The following PRSS55 variants were observed in gnomAD, a reference collection of about 807,000 sequenced individuals.
PRSS55 encodes serine protease 55.
In PRSS55, 41 loss-of-function variants were observed where a neutral mutation model predicts 23.6. That is an observed-to-expected ratio of 1.74 (90% confidence interval 1.35 to 2.26). PRSS55 has a LOEUF of 2.26. Among genes scored for constraint, PRSS55 ranks in the 30% most tolerant of loss-of-function variants. The pLI is 0.00. For synonymous variants in PRSS55, 262 were observed against 175.5 expected (o/e 1.49, Z -3.90); for missense variants, 669 against 439.1 (o/e 1.52, Z -4.68).
intron 1 of PRSS55, among the ~76,000 whole-genome samples, chr8:10,527,386 G>T (rs1812067844): frequency 6.6e-6 from 1 of 152,250 alleles, no homozygotes; most frequent in Non-Finnish European, 1.5e-5. Context: ...CAGCCCACAA[G>T]CATGTTGCCC....
intron 4 of PRSS55, among the ~76,000 whole-genome samples, chr8:10,552,059 C>G (rs1441504995): frequency 1.3e-5 from 2 of 152,182 alleles, no homozygotes; most frequent in Non-Finnish European, 2.9e-5. Context: ...CCTGCCTTGC[C>G]TCAGTAAGCC....
chr8:10,531,626 G>A (rs1280604117), intron 3 of PRSS55, 81 bp downstream of exon 3: 8 of 1,558,316 alleles, frequency 5.1e-6, no homozygotes, highest in South Asian at 1.2e-5. Flanking sequence ...AAGGAGTGAG[G>A]ACAAGACTTG....
rs772288284 is a variant in PRSS55 at position 10,531,530 on chromosome 8, G to T, written c.583G>T (p.Gly195Cys). The T allele has an allele frequency of 1.9e-6, 3 of 1,613,542 alleles. No homozygotes were observed. Among genetic ancestry groups the T allele is most frequent in the Non-Finnish European group, 2.5e-6 (3 of 1,180,050 alleles). The stretch of plus-strand genomic sequence containing the variant: ...GCGCGAATGCTGGGTGGCAGGTTGG[G>T]GCCAGACCAATGCTGGTATGTGACT... ...TWRECWVAGW[G>C]QTNAADKNSV... Residue 195 changes from glycine to cysteine, a missense_variant, in exon 3 of 5, where the codon GGC (glycine) becomes TGC (cysteine). By Grantham distance (159) the Gly-to-Cys change is radical. Transcript: ENST00000328655.
Position 10,533,041 on chromosome 8 carries a change from C to T in PRSS55, c.734C>T (p.Ala245Val). Reference protein sequence around the residue: ...CAGYKNESYDACKGDSGGPLV... With the variant: ...CAGYKNESYDVCKGDSGGPLV... ...GGATACAAGAATGAGAGCTATGATG[C>T]CTGCAAGGTAACTAGGGGGTACCCT... Residue 245 changes from alanine to valine, a missense_variant, in exon 4 of 5, where the codon GCC becomes GTC. Ala to Val is a moderately conservative substitution (Grantham distance 64). Transcript: ENST00000328655. 3 of 1,614,118 alleles carry T rather than the reference C, an allele frequency of 1.9e-6. No homozygotes were observed. Among genetic ancestry groups the T allele is most frequent in the Middle Eastern group, 1.6e-4 (1 of 6,062 alleles).
intron 3 of PRSS55, among the ~76,000 whole-genome samples, chr8:10,532,353 G>A (rs1812298551): frequency 6.6e-6 from 1 of 152,144 alleles, no homozygotes; most frequent in African/African-American, 2.4e-5. Context: ...TCTCTTTGTG[G>A]TCAGAGTTAA....
At chr8:10,534,061 G>A (rs1366723340) in intron 4 of PRSS55, among the ~76,000 whole-genome samples, 4 of 151,964 alleles carry the variant, frequency 2.6e-5, no homozygotes, top group African/African-American at 9.7e-5. Flanking sequence ...ATACTGTGGG[G>A]ACCAAAAAGA....
chr8:10,533,341 A>G (rs1036606585), intron 4 of PRSS55, among the ~76,000 whole-genome samples: 2 of 152,212 alleles, frequency 1.3e-5, no homozygotes, highest in African/African-American at 4.8e-5. Flanking sequence ...TCTTTTTAAA[A>G]ATCCAAGGAG....
At chr8:10,550,471 A>C (rs1812927627) in intron 4 of PRSS55, among the ~76,000 whole-genome samples, 1 of 152,156 alleles carries the variant, frequency 6.6e-6, no homozygotes, top group African/African-American at 2.4e-5. Flanking sequence ...CTGTGCCTTA[A>C]ACAACAAGAA....
At chr8:10,549,511 G>A (rs996626427) in intron 4 of PRSS55, among the ~76,000 whole-genome samples, 1 of 152,188 alleles carries the variant, frequency 6.6e-6, no homozygotes, top group Non-Finnish European at 1.5e-5. Flanking sequence ...CAGCACACTG[G>A]GGGTCACACA....
intron 2 of PRSS55, among the ~76,000 whole-genome samples, chr8:10,530,448 C>A (rs966400357): frequency 5.3e-5 from 8 of 152,240 alleles, no homozygotes; most frequent in African/African-American, 1.4e-4. Flanking sequence ...GGCACTCCCG[C>A]CTGGGCGACA....
intron 1 of PRSS55, among the ~76,000 whole-genome samples, chr8:10,528,254 A>G (rs1300867510): frequency 6.6e-6 from 1 of 151,960 alleles, no homozygotes; most frequent in African/African-American, 2.4e-5. Flanking sequence ...TGCTGAGAGC[A>G]GAAGGCTCTG....
At chr8:10,543,718 T>A (rs1237563957), downstream of PRSS55, among the ~76,000 whole-genome samples, 2 of 100,056 alleles carry the variant, frequency 2.0e-5, no homozygotes, top group Non-Finnish European at 5.0e-5. Flanking sequence ...TCACATATGT[T>A]TTTGTGTGTT....
rs760280420 is a variant in PRSS55 at position 10,525,735 on chromosome 8, C to G, written c.150C>G (p.Val50=). ...AGCCCCCTCATCCCCCCAGCCCAGT[C>G]AGTGGTGAGTACAGGGGCAGAAGGG... ...RPQPPHPPSP[V]SECGDRSIFE... is the part of the protein sequence containing the mutation. The change falls in exon 1 of 5, where the codon GTC becomes GTG. Residue 50 remains valine (V), a synonymous_variant. Transcript: ENST00000328655. 6 of 1,604,620 alleles carry G rather than the reference C, an allele frequency of 3.7e-6. No homozygotes were observed. In the South Asian group the frequency reaches 6.7e-5, roughly 18 times the overall value.
intron 4 of PRSS55, chr8:10,547,499 C>CCCTCGG (rs1417055147): frequency 6.5e-6 from 1 of 152,856 alleles, no homozygotes; most frequent in Non-Finnish European, 1.5e-5. Flanking sequence ...GATTCCAGGG[C>CCCTCGG]CCTCGGCCTC....
intron 4 of PRSS55, among the ~76,000 whole-genome samples, chr8:10,549,306 G>T (rs112364329): frequency 3.9e-5 from 6 of 152,330 alleles, no homozygotes; most frequent in African/African-American, 1.4e-4. Flanking sequence ...TCCAATCCCA[G>T]AAACTCTGGT....
At chr8:10,526,253 C>G (rs760552378) in intron 1 of PRSS55, among the ~76,000 whole-genome samples, 1 of 152,212 alleles carries the variant, frequency 6.6e-6, no homozygotes, top group African/African-American at 2.4e-5. Flanking sequence ...CCATGTTTAA[C>G]GCCCACACCA....
At chr8:10,543,431 C>T (rs55889523), downstream of PRSS55, among the ~76,000 whole-genome samples, 1,127 of 18,800 alleles carry the variant, frequency 0.06, 59 homozygotes, top group Admixed American at 0.32. Flanking sequence ...TTTCTTCCTT[C>T]CTTCCTTCCT....
At chr8:10,531,791 C>T (rs4400345) in intron 3 of PRSS55, 379,818 of 539,594 alleles carry the variant, frequency 0.7, 134,252 homozygotes, top group East Asian at 0.76. Flanking sequence ...GTGTGTTTAA[C>T]TGAATTTAAA....
rs1412643844 is a variant in PRSS55, at chr8:10,525,565, C to T, written c.-21C>T. 6.2e-7 allele frequency: 1 copy of T among 1,606,394 alleles called. No individual in the cohort carries two copies. Among genetic ancestry groups the T allele is most frequent in the East Asian group, 2.2e-5 (1 of 44,644 alleles). ...AGCCCTGGCCTCTGTCACCCCCGGG[C>T]CCACAGCACAGCCCAGGGCCATGCT... On this transcript the variant is annotated 5_prime_UTR_variant, in exon 1 of 5. Transcript: ENST00000328655.
Sources: allele counts gnomAD v4.1 joint callset (sites outside exome capture counted in the v4.1 genomes callset), GRCh38; gene constraint gnomAD v4.1.1; transcripts MANE v1.5; gene names NCBI Gene and HGNC (gene_info 2026-07-23, HGNC 2026-07-21).